ADAM7: variants seen among roughly 807,000 people sequenced by gnomAD.
The protein encoded by ADAM7 is ADAM metallopeptidase domain 7.
In ADAM7, 97 loss-of-function variants were observed where a neutral mutation model predicts 102.9. The observed-to-expected ratio is 0.94, with a 90% confidence interval of 0.80 to 1.12. The LOEUF (loss-of-function observed/expected upper bound fraction) is 1.12. Ranked by LOEUF, ADAM7 falls within the 50% of genes most tolerant of loss-of-function variation. ADAM7 has a pLI of 0.00. For missense variants in ADAM7, 991 were observed against 908.7 expected (o/e 1.09, Z -1.16); for synonymous variants, 334 against 304.4 (o/e 1.10, Z -1.01).
At chr8:24,479,193 C>T (rs7005532) in intron 8 of ADAM7, among the ~76,000 whole-genome samples, 18,041 of 152,004 alleles carry the variant, frequency 0.12, 1,491 homozygotes, top group African/African-American at 0.24. Flanking sequence ...GTTATGGGGT[C>T]CAGAGCATGT....
At chr8:24,455,960 T>A (rs77766832) in intron 3 of ADAM7, among the ~76,000 whole-genome samples, 1 of 146,370 alleles carries the variant, frequency 6.8e-6, no homozygotes, top group Non-Finnish European at 1.5e-5. Flanking sequence ...CAACTACTTA[T>A]TTTTTTTTTT....
chr8:24,441,443 A>G (rs1435850980), intron 1 of ADAM7, among the ~76,000 whole-genome samples: 1 of 152,208 alleles, frequency 6.6e-6, no homozygotes, highest in Non-Finnish European at 1.5e-5. Flanking sequence ...TGTATGTTAA[A>G]GTGTTTAAAA....
chr8:24,449,440 A>C (rs1310229873), intron 3 of ADAM7, among the ~76,000 whole-genome samples: 1 of 152,184 alleles, frequency 6.6e-6, no homozygotes, highest in Non-Finnish European at 1.5e-5. Flanking sequence ...TTTTGGCTGC[A>C]TAAATATCTT....
At chr8:24,467,458 T>C (rs992332784) in intron 6 of ADAM7, 1 of 166,206 alleles carries the variant, frequency 6.0e-6, no homozygotes, top group African/African-American at 2.4e-5. Flanking sequence ...CCTTGGAGCT[T>C]TAGGCTTTTC....
chr8:24,478,201 T>G (rs1044830755), intron 8 of ADAM7, among the ~76,000 whole-genome samples: 4 of 152,122 alleles, frequency 2.6e-5, no homozygotes, highest in Non-Finnish European at 5.9e-5. Flanking sequence ...TGGCAGAATT[T>G]ATTTCATGCA....
intron 9 of ADAM7, among the ~76,000 whole-genome samples, chr8:24,483,421 T>C (rs986887914): frequency 6.6e-6 from 1 of 152,202 alleles, no homozygotes; most frequent in African/African-American, 2.4e-5. Flanking sequence ...CTACTTTATA[T>C]ACCCATAATA....
intron 3 of ADAM7, among the ~76,000 whole-genome samples, chr8:24,453,033 T>C (rs1485908280): frequency 1.3e-5 from 2 of 151,706 alleles, no homozygotes; most frequent in African/African-American, 4.8e-5. Context: ...GTTAGTCTGA[T>C]GGGCTTCCCT....
chr8:24,490,962 ACTGGACAGCCCT>A (rs1563392207), intron 13 of ADAM7, 74 bp downstream of exon 13: 10 of 1,464,032 alleles, frequency 6.8e-6, no homozygotes, highest in Non-Finnish European at 9.5e-6. Context: ...TTATCTAACC[ACTGGACAGCCCT>A]GCACCACTGA....
rs1214352937 is a variant in ADAM7, at chr8:24,476,484, A to G, written c.685A>G (p.Met229Val). 1.2e-6 allele frequency: 2 copies of G among 1,609,100 alleles called. No individual in the cohort carries two copies. The highest frequency in any genetic ancestry group is 1.7e-6 in the Non-Finnish European group (2 of 1,176,630). ...HNKLRNRIWG[M>V]VNFVNMIYKT... ...TAAACTAAGGAACCGAATTTGGGGAATGGTCAATTTTGTCAACATGGTAAG... is the reference window on the plus strand; with the variant it reads ...TAAACTAAGGAACCGAATTTGGGGAGTGGTCAATTTTGTCAACATGGTAAG... The change falls in exon 8 of 22, where the codon ATG (methionine) becomes GTG (valine). Residue 229 changes from methionine to valine, a missense_variant. Transcript: ENST00000175238.
chr8:24,457,720 G>C (rs946035798), intron 3 of ADAM7, among the ~76,000 whole-genome samples: 2 of 151,648 alleles, frequency 1.3e-5, no homozygotes, highest in Admixed American at 1.3e-4. Flanking sequence ...TTTCTTTATG[G>C]TCATCATTTT....
intron 3 of ADAM7, among the ~76,000 whole-genome samples, chr8:24,456,460 T>C (rs1407662493): frequency 6.6e-6 from 1 of 152,214 alleles, no homozygotes; most frequent in Non-Finnish European, 1.5e-5. Flanking sequence ...CTTTCCCACA[T>C]AGTGATTCCA....
Position 24,461,580 on chromosome 8 carries a change from C to A in ADAM7, c.234-2302C>A, listed in dbSNP as rs78718913. The stretch of plus-strand genomic sequence containing the variant: ...TCCAAATTGGGTTCATTTTTTGCTA[C>A]TACTTTTCCATTTTTTTTTCTGATA... On this transcript the variant is annotated intron_variant, in intron 3 of 21. Coordinates refer to ENST00000175238, the MANE Select transcript of ADAM7 (RefSeq NM_003817.4). Among the ~76,000 whole-genome samples, 93 of 151,866 alleles carry A rather than the reference C, an allele frequency of 6.1e-4. 2 individuals carry two copies. The East Asian group carries it at 0.017, about 28-fold the overall frequency.
Position 24,479,116 on chromosome 8 carries a change from T to C in ADAM7, c.705+2612T>C, listed in dbSNP as rs570197129. 2.0e-5 allele frequency among the ~76,000 whole-genome samples: 3 copies of C among 152,240 alleles called. No individual in the cohort carries two copies. In the East Asian group the frequency reaches 5.8e-4, roughly 29 times the overall value. On this transcript the variant is annotated intron_variant, in intron 8 of 21. Coordinates refer to ENST00000175238, the MANE Select transcript of ADAM7 (RefSeq NM_003817.4). ...AGCACGTTTATTGAGAGCCAGCACC[T>C]CCCTTCACATTCTCACTGCTTCTTC...
At chr8:24,500,768 C>A (rs1448401068) in intron 18 of ADAM7, 22 bp from the exon 19 acceptor site, 6 of 1,584,924 alleles carry the variant, frequency 3.8e-6, no homozygotes, top group Non-Finnish European at 5.2e-6. Context: ...CTCGATGAAG[C>A]CCATGTTTCT....
intron 17 of ADAM7, among the ~76,000 whole-genome samples, 157 bp from the exon 18 acceptor site, chr8:24,500,021 T>C (rs533066788): frequency 2.0e-5 from 3 of 152,284 alleles, no homozygotes; most frequent in African/African-American, 2.4e-5. Context: ...TTTTTATACA[T>C]CATTGATTTT....
chr8:24,449,373 T>C (rs1400775695), intron 3 of ADAM7, among the ~76,000 whole-genome samples: 2 of 152,226 alleles, frequency 1.3e-5, no homozygotes, highest in Non-Finnish European at 2.9e-5. Flanking sequence ...TAGCTCATTG[T>C]GGTTTTGATT....
At chr8:24,482,431 C>A in intron 9 of ADAM7, 120 bp downstream of exon 9, 1 of 978,674 alleles carries the variant, frequency 1.0e-6, no homozygotes. Context: ...CACACAGGGA[C>A]AAAATGTTAT....
chr8:24,451,531 C>T (rs1008191103), intron 3 of ADAM7, among the ~76,000 whole-genome samples: 1 of 152,032 alleles, frequency 6.6e-6, no homozygotes, highest in African/African-American at 2.4e-5. Flanking sequence ...CTATTTGATT[C>T]TTCTCTCGTT....
rs770915822 is a variant in ADAM7 at position 24,466,970 on chromosome 8, AG to A, written c.562del (p.Glu188LysfsTer5). ...KTVPGDNESE[E>X]DSKIKGIHDE... Reference sequence around the variant, plus strand: ...CTGTTCCAGGGGATAATGAATCTGAAGAAGACTCCAAAATAAAAGTGAGTAC... The same window carrying A: ...CTGTTCCAGGGGATAATGAATCTGAAAAGACTCCAAAATAAAAGTGAGTAC... On this transcript the variant is annotated frameshift_variant, in exon 6 of 22. Coordinates refer to ENST00000175238, the MANE Select transcript of ADAM7 (RefSeq NM_003817.4). LOFTEE classifies it high-confidence loss of function. The A allele has an allele frequency of 3.7e-6, 6 of 1,613,780 alleles. No individual in the cohort carries two copies. The African/African-American group carries it at 5.3e-5, about 14-fold the overall frequency.
Sources: allele counts gnomAD v4.1 joint callset (sites outside exome capture counted in the v4.1 genomes callset), GRCh38; gene constraint gnomAD v4.1.1; transcripts MANE v1.5; gene names NCBI Gene and HGNC (gene_info 2026-07-23, HGNC 2026-07-21).